The following TMEM178B variants were observed in gnomAD, a reference collection of about 807,000 sequenced individuals.
TMEM178B encodes transmembrane protein 178B.
TMEM178B carries 5 observed loss-of-function variants against 31.0 expected under a neutral mutation model. That is an observed-to-expected ratio of 0.16 (90% CI 0.08 to 0.34). TMEM178B has a LOEUF of 0.34. Among genes scored for constraint, TMEM178B ranks in the 10% least tolerant of loss-of-function variants. TMEM178B has a pLI of 1.00. For missense variants in TMEM178B, 275 were observed against 400.3 expected (o/e 0.69, Z 2.67); for synonymous variants, 164 against 164.0 (o/e 1.00, Z 0.00).
At chr7:141,216,414 G>A (rs1797147318) in intron 2 of TMEM178B, among the ~76,000 whole-genome samples, 2 of 141,288 alleles carry the variant, frequency 1.4e-5, no homozygotes, top group African/African-American at 5.5e-5. Flanking sequence ...AAAGGCCAGA[G>A]GATGAAGCCT....
chr7:141,403,282 T>C (rs1192182767), intron 2 of TMEM178B, among the ~76,000 whole-genome samples: 3 of 152,234 alleles, frequency 2.0e-5, no homozygotes, highest in Non-Finnish European at 2.9e-5. Flanking sequence ...CTCTCTCTAC[T>C]ACTTGTGTGA....
chr7:141,137,695 G>T (rs910225048), intron 1 of TMEM178B, among the ~76,000 whole-genome samples: 12 of 152,136 alleles, frequency 7.9e-5, no homozygotes, highest in African/African-American at 2.9e-4. Flanking sequence ...CCAATACAAA[G>T]AAATAATAAT....
chr7:141,199,623 A>C (rs1015041799), intron 1 of TMEM178B, among the ~76,000 whole-genome samples: 1 of 151,502 alleles, frequency 6.6e-6, no homozygotes, highest in Non-Finnish European at 1.5e-5. Flanking sequence ...GTCTTGCTCT[A>C]TCACTTAGGC....
chr7:141,198,742 A>C (rs1347089045), intron 1 of TMEM178B, among the ~76,000 whole-genome samples: 1 of 151,992 alleles, frequency 6.6e-6, no homozygotes, highest in Non-Finnish European at 1.5e-5. Flanking sequence ...CCAGTGAAAA[A>C]CCAGATCTGG....
chr7:141,402,008 G>A (rs910283418), intron 2 of TMEM178B, among the ~76,000 whole-genome samples: 6 of 152,170 alleles, frequency 3.9e-5, no homozygotes, highest in Non-Finnish European at 7.3e-5. Flanking sequence ...CAGGATGGAT[G>A]TTCTTAGCAA....
At chr7:141,504,710 A>G in the TMEM178B span, among the ~76,000 whole-genome samples, 1 of 152,256 alleles carries the variant, frequency 6.6e-6, no homozygotes, top group African/African-American at 2.4e-5. Flanking sequence ...TTATTTCAAT[A>G]GCTTTTGGGG....
At chr7:141,288,234 G>A (rs564344294) in intron 2 of TMEM178B, among the ~76,000 whole-genome samples, 52 of 151,440 alleles carry the variant, frequency 3.4e-4, no homozygotes, top group African/African-American at 8.7e-4. Flanking sequence ...TGTGATTGTC[G>A]CGCTGAAACT....
chr7:141,397,827 C>T (rs1020407222), intron 2 of TMEM178B, among the ~76,000 whole-genome samples: 2 of 152,210 alleles, frequency 1.3e-5, no homozygotes, highest in Admixed American at 1.3e-4. Flanking sequence ...TTCGCCCACC[C>T]GAGGCAGAGG....
At chr7:141,169,164 A>T (rs1796306836) in intron 1 of TMEM178B, among the ~76,000 whole-genome samples, 1 of 152,190 alleles carries the variant, frequency 6.6e-6, no homozygotes, top group African/African-American at 2.4e-5. Context: ...CCTAGTACCC[A>T]TTAGTTATTT....
At chr7:141,403,609 C>T (rs534153730) in intron 2 of TMEM178B, among the ~76,000 whole-genome samples, 13 of 152,216 alleles carry the variant, frequency 8.5e-5, no homozygotes, top group East Asian at 1.9e-4. Context: ...TGTCTCATTG[C>T]GAAATGGGAA....
At chr7:141,108,180 G>A (rs974372209) in intron 1 of TMEM178B, among the ~76,000 whole-genome samples, 2 of 152,184 alleles carry the variant, frequency 1.3e-5, no homozygotes, top group Non-Finnish European at 2.9e-5. Flanking sequence ...CTTTAAAGAT[G>A]ATTTGTCATA....
chr7:141,319,225 G>A (rs1799055529), intron 2 of TMEM178B, among the ~76,000 whole-genome samples: 1 of 152,192 alleles, frequency 6.6e-6, no homozygotes, highest in Non-Finnish European at 1.5e-5. Context: ...TAGGAAGATA[G>A]TGCCTCATTG....
At chr7:141,411,089 G>T (rs538047498) in intron 2 of TMEM178B, among the ~76,000 whole-genome samples, 1 of 151,276 alleles carries the variant, frequency 6.6e-6, no homozygotes, top group East Asian at 1.9e-4. Context: ...TTTTTAAAAA[G>T]AAATTAGAAT....
At chr7:141,353,500 C>G (rs1799769460) in intron 2 of TMEM178B, among the ~76,000 whole-genome samples, 1 of 152,206 alleles carries the variant, frequency 6.6e-6, no homozygotes, top group Non-Finnish European at 1.5e-5. Context: ...TTGACAAGAG[C>G]CACTCTTCTC....
At chr7:141,483,277 AAC>A (rs1015769799), downstream of TMEM178B, among the ~76,000 whole-genome samples, 25 of 152,228 alleles carry the variant, frequency 1.6e-4, no homozygotes, top group African/African-American at 6.0e-4. Flanking sequence ...GAGCAAACAA[AAC>A]ACACTTCCTG....
chr7:141,123,765 T>A (rs1795445773), intron 1 of TMEM178B, among the ~76,000 whole-genome samples: 1 of 152,192 alleles, frequency 6.6e-6, no homozygotes, highest in African/African-American at 2.4e-5. Context: ...GTTAGGTTTT[T>A]TTTTTGAGAC....
rs569455750 is a variant in TMEM178B at position 141,286,507 on chromosome 7, G to A, written c.496+73803G>A. On this transcript the variant is annotated intron_variant, in intron 2 of 3. Transcript: ENST00000565468. ...GAGCCAGCTGAAGATAATCATTCAC[G>A]TGGTAGACATGGCCTGGCTATCATA... Among the ~76,000 whole-genome samples the A allele has an allele frequency of 4.6e-5, 7 of 152,308 alleles. No homozygotes were observed. The South Asian group carries it at 1.0e-3, about 23-fold the overall frequency.
At chr7:141,156,521 A>C (rs2129181079) in intron 1 of TMEM178B, among the ~76,000 whole-genome samples, 1 of 152,322 alleles carries the variant, frequency 6.6e-6, no homozygotes, top group Non-Finnish European at 1.5e-5. Flanking sequence ...GGTACAAAAG[A>C]TGGACACCTT....
At chr7:141,355,680 C>A (rs1799807284) in intron 2 of TMEM178B, among the ~76,000 whole-genome samples, 1 of 152,174 alleles carries the variant, frequency 6.6e-6, no homozygotes, top group African/African-American at 2.4e-5. Flanking sequence ...TAGTCCCATT[C>A]ATCTAGTTTT....
Sources: allele counts gnomAD v4.1 joint callset (sites outside exome capture counted in the v4.1 genomes callset), GRCh38; gene constraint gnomAD v4.1.1; transcripts MANE v1.5; gene names NCBI Gene and HGNC (gene_info 2026-07-23, HGNC 2026-07-21).